CHD4: variants seen among roughly 807,000 people sequenced by gnomAD.
CHD4 encodes the protein chromodomain helicase DNA binding protein 4, also known as ATP-dependent chromatin remodeler CHD4.
A neutral mutation model predicts 235.5 loss-of-function variants in CHD4; 35 were observed. That is an observed-to-expected ratio of 0.15 (90% CI 0.11 to 0.20). The LOEUF (loss-of-function observed/expected upper bound fraction) is 0.20, where lower values mean the gene tolerates loss of function less well. CHD4 is among the 10% of genes least tolerant of loss of function. The pLI is 1.00. For missense variants in CHD4, 1,329 were observed against 2,432.3 expected (o/e 0.55, Z 9.54); for synonymous variants, 900 against 850.2 (o/e 1.06, Z -1.02).
chr12:6,589,906 GTATC>G (rs1344815000), intron 22 of CHD4, among the ~76,000 whole-genome samples: 1 of 151,982 alleles, frequency 6.6e-6, no homozygotes, highest in African/African-American at 2.4e-5. Flanking sequence ...CTTATCAAAA[GTATC>G]TATATTGACC....
intron 13 of CHD4, among the ~76,000 whole-genome samples, 188 bp downstream of exon 13, chr12:6,595,818 T>C (rs1276766670): frequency 6.3e-5 from 9 of 142,114 alleles, no homozygotes; most frequent in Admixed American, 2.1e-4. Flanking sequence ...ATCAGCTAGG[T>C]GTGGTGGCGT....
At chr12:6,572,876 A>T (rs907974183) in intron 38 of CHD4, 198 bp downstream of exon 38, 60 of 167,060 alleles carry the variant, frequency 3.6e-4, no homozygotes, top group Non-Finnish European at 3.5e-4. Flanking sequence ...CCATCTCTTT[A>T]AAAAAAAAAA....
Position 6,597,945 on chromosome 12 carries a change from C to T in CHD4, c.1841G>A (p.Arg614His), listed in dbSNP as rs1441230212. ...KFAEMEERFY[R>H]YGIKPEWMMI... is the part of the protein sequence containing the mutation. ...CATCCACTCGGGTTTTATCCCATAG[C>T]GATAGAAGCGTTCCTCCATCTCTGC... The change falls in exon 12 of 40, where the codon CGC (arginine) becomes CAC (histidine). Residue 614 changes from arginine to histidine, a missense_variant. By Grantham distance (29) the Arg-to-His change is conservative. Around this residue, in one of 26 missense-constraint regions of CHD4, gnomAD observed 121 missense variants for 177.8 expected, o/e 0.68. Coordinates refer to ENST00000544040, the MANE Select transcript of CHD4 (RefSeq NM_001273.5). 3 of 1,614,074 alleles carry T rather than the reference C, an allele frequency of 1.9e-6. No individual in the cohort carries two copies. Among genetic ancestry groups the T allele is most frequent in the Non-Finnish European group, 2.5e-6 (3 of 1,180,052 alleles).
chr12:6,572,428 A>G (rs1049514538), intron 38 of CHD4, among the ~76,000 whole-genome samples: 6 of 139,426 alleles, frequency 4.3e-5, no homozygotes, highest in Admixed American at 1.4e-4. Context: ...TCTATCTCAG[A>G]AAAAAAAAAA....
intron 25 of CHD4, among the ~76,000 whole-genome samples, chr12:6,585,105 C>G (rs1948258621): frequency 6.6e-6 from 1 of 152,112 alleles, no homozygotes; most frequent in African/African-American, 2.4e-5. Context: ...ACTGAAAGAA[C>G]CCGGAGCTGA....
intron 3 of CHD4, 40 bp from the exon 4 acceptor site, chr12:6,602,215 A>C (rs774682821): frequency 1.2e-6 from 2 of 1,606,696 alleles, no homozygotes; most frequent in Non-Finnish European, 1.7e-6. Context: ...ACAGACACAC[A>C]CATGCTACAC....
rs767578728 is a variant in CHD4, at chr12:6,578,063, G to A, written c.5194C>T (p.Arg1732Trp). The A allele has an allele frequency of 1.9e-6, 3 of 1,613,130 alleles. No homozygotes were observed. Among genetic ancestry groups the A allele is most frequent in the Non-Finnish European group, 2.5e-6 (3 of 1,180,032 alleles). Reference sequence around the variant, plus strand: ...CCGGCTAGCAGCCAGTAGTCATGCCGTCGATGCCAGATCTCATAAGTCTTC... The same window carrying A: ...CCGGCTAGCAGCCAGTAGTCATGCCATCGATGCCAGATCTCATAAGTCTTC... ...TKKTYEIWHR[R>W]HDYWLLAGII... Residue 1732 changes from arginine to tryptophan, a missense_variant, in exon 36 of 40, where the codon CGG becomes TGG. This residue lies in a region of CHD4 where 135 missense variants were observed against 282.3 expected (regional missense o/e 0.48). Coordinates refer to ENST00000544040, the MANE Select transcript of CHD4 (RefSeq NM_001273.5).
At position 6,598,352 on chromosome 12, in the gene CHD4, A is replaced by G; in HGVS notation, c.1556T>C (p.Val519Ala). The change falls in exon 11 of 40, where the codon GTG (valine) becomes GCG (alanine). Residue 519 changes from valine (V) to alanine (A), a missense_variant. Around this residue, in one of 26 missense-constraint regions of CHD4, gnomAD observed 45 missense variants for 47.5 expected, o/e 0.95. Transcript: ENST00000544040. ...GGGATCAGCATCTGGAGGCCGAGGC[A>G]CTGGTGTGGGAGATGGTGGCTGACC... ...KWGQPPSPTPVPRPPDADPNT... is the reference protein window; with the variant it reads ...KWGQPPSPTPAPRPPDADPNT... 1 of 1,614,066 alleles carries G rather than the reference A, an allele frequency of 6.2e-7. No homozygotes were observed. The highest frequency in any genetic ancestry group is 8.5e-7 in the Non-Finnish European group (1 of 1,179,960).
intron 2 of CHD4, among the ~76,000 whole-genome samples, chr12:6,604,184 A>G (rs1239915323): frequency 6.6e-6 from 1 of 152,160 alleles, no homozygotes; most frequent in Non-Finnish European, 1.5e-5. Context: ...CTGAGGCAGG[A>G]GAATCGCTTG....
intron 19 of CHD4, 34 bp from the exon 20 acceptor site, chr12:6,592,091 T>C: frequency 6.2e-7 from 1 of 1,612,810 alleles, no homozygotes; most frequent in South Asian, 1.1e-5. Context: ...AGGTTAGACT[T>C]GAGAGCCTTT....
Position 6,595,314 on chromosome 12 carries a change from T to A in CHD4, c.2121+20A>T, listed in dbSNP as rs766382034. The A allele has an allele frequency of 5.6e-5, 89 of 1,603,538 alleles. 3 individuals carry two copies. The South Asian group carries it at 9.1e-4, about 16-fold the overall frequency. ...CATTGTCCTACCCAACAAACTACAG[T>A]CCCTTCCACCCCCACTCACATCAAC... On this transcript the variant is annotated intron_variant, in intron 14 of 39. Coordinates refer to ENST00000544040, the MANE Select transcript of CHD4 (RefSeq NM_001273.5).
intron 22 of CHD4, among the ~76,000 whole-genome samples, chr12:6,590,861 G>A (rs1407676353): frequency 4.0e-5 from 6 of 151,276 alleles, no homozygotes; most frequent in Non-Finnish European, 5.9e-5. Context: ...GTGGTGGCTC[G>A]TGCCTGTAAT....
At chr12:6,581,230 A>AAAGG in intron 32 of CHD4, 57 bp from the exon 33 acceptor site, 1 of 1,612,848 alleles carries the variant, frequency 6.2e-7, no homozygotes, top group South Asian at 1.1e-5. Flanking sequence ...CCAGCAACTA[A>AAAGG]AAGGAAGACT....
chr12:6,591,122 CAAAAAAAA>C (rs35011913), intron 22 of CHD4: 4 of 25,586 alleles, frequency 1.6e-4, no homozygotes, highest in South Asian at 2.4e-3. Context: ...GACTCCATCT[CAAAAAAAA>C]AAAAAAAAAA....
intron 17 of CHD4, 136 bp from the exon 18 acceptor site, chr12:6,592,953 A>G (rs1436274486): frequency 6.6e-7 from 1 of 1,506,060 alleles, no homozygotes; most frequent in Non-Finnish European, 8.9e-7. Flanking sequence ...CTGGCCACCA[A>G]GGGCTGTCAC....
chr12:6,601,510 T>C lies in CHD4; in HGVS notation c.578A>G (p.Asn193Ser). The C allele has an allele frequency of 6.2e-7, 1 of 1,614,096 alleles. No individual in the cohort carries two copies. The highest frequency in any genetic ancestry group is 8.5e-7 in the Non-Finnish European group (1 of 1,180,020). Reference sequence around the variant, plus strand: ...CATCTTGGAGACAGCAATCTTGGGATTTTTGGCAGCAATGAGGGGTCTGGT... The same window carrying C: ...CATCTTGGAGACAGCAATCTTGGGACTTTTGGCAGCAATGAGGGGTCTGGT... The part of the protein sequence containing the change: ...QFVRPLIAAK[N>S]PKIAVSKMMM... The change falls in exon 6 of 40, where the codon AAT becomes AGT. Residue 193 changes from asparagine to serine, a missense_variant. Asn to Ser is a conservative substitution (Grantham distance 46, BLOSUM62 1). This residue lies in a region of CHD4 where 39 missense variants were observed against 86.6 expected (regional missense o/e 0.45). Transcript: ENST00000544040.
rs543244465 is a variant in CHD4, at chr12:6,593,328, T to A, written c.2514+88A>T. The A allele has an allele frequency of 2.6e-5, 41 of 1,598,956 alleles. No individual in the cohort carries two copies. The South Asian group carries it at 3.3e-4, about 13-fold the overall frequency. On this transcript the variant is annotated intron_variant, in intron 16 of 39. Coordinates refer to ENST00000544040, the MANE Select transcript of CHD4 (RefSeq NM_001273.5). This position sits in a 1 kb window ranked among gnomAD's most constrained non-coding sequence, Gnocchi z 4.9. The stretch of plus-strand genomic sequence containing the variant: ...TTTCCTCCTCCCAGGGTTACCCTTT[T>A]GCCTCACCAGGGACCAGATCACAAG...
rs774138764 is a variant in CHD4 at position 6,598,030 on chromosome 12, C to A, written c.1756G>T (p.Gly586Trp). ...RKNDMDEPPS[G>W]DFGGDEEKSR... ...TTCTCTTCATCACCACCAAAGTCCC[C>A]AGAAGGTGGCTCATCCATATCATTC... Residue 586 changes from glycine to tryptophan, a missense_variant, in exon 12 of 40, where the codon GGG becomes TGG. Physicochemically the swap from Gly to Trp is radical, Grantham distance 184. Transcript: ENST00000544040. The A allele has an allele frequency of 4.3e-6, 7 of 1,614,090 alleles. No individual in the cohort carries two copies. The South Asian group carries it at 7.7e-5, about 18-fold the overall frequency.
Position 6,601,185 on chromosome 12 carries a change from C to T in CHD4, c.799+104G>A, listed in dbSNP as rs1013619978. 10 of 1,548,238 alleles carry T rather than the reference C, an allele frequency of 6.5e-6. No homozygotes were observed. The Admixed American group carries it at 1.9e-4, about 29-fold the overall frequency. On this transcript the variant is annotated intron_variant, in intron 6 of 39. Coordinates refer to ENST00000544040, the MANE Select transcript of CHD4 (RefSeq NM_001273.5). ...TCCAAAATCCAAGACTCATTCCTCC[C>T]TCCTATCTCCTACCTTAGGGCTGAC...
Sources: gnomAD v4.1 joint callset for allele counts (sites outside exome capture counted in the v4.1 genomes callset) on GRCh38, gnomAD v4.1.1 for gene constraint, gnomAD v4.1.1 regional missense constraint, Gnocchi (gnomAD v3.1) non-coding constraint, MANE v1.5 for transcripts, NCBI Gene and HGNC (gene_info 2026-07-23, HGNC 2026-07-21) for gene names.